Variants in PRKN observed in about 807,000 individuals in gnomAD.
The protein encoded by PRKN is E3 ubiquitin-protein ligase parkin.
Under a neutral mutation model 59.5 loss-of-function variants are expected in PRKN, and 56 were observed. The observed-to-expected ratio is 0.94, with a 90% CI of 0.76 to 1.18. The LOEUF (loss-of-function observed/expected upper bound fraction) is 1.18. Ranked by LOEUF, PRKN falls within the 50% of genes most tolerant of loss-of-function variation. The pLI, the probability that PRKN is intolerant of heterozygous loss-of-function variation, is 0.00. For missense variants in PRKN, 657 were observed against 596.4 expected (o/e 1.10, Z -1.06); for synonymous variants, 250 against 222.1 (o/e 1.13, Z -1.12).
chr6:162,316,294 T>C (rs1352031434), intron 2 of PRKN, among the ~76,000 whole-genome samples: 1 of 151,840 alleles, frequency 6.6e-6, no homozygotes, highest in Non-Finnish European at 1.5e-5. Context: ...GTCCCAGTCA[T>C]GATACCTCAT....
At chr6:161,820,056 G>C (rs1237648346) in intron 6 of PRKN, among the ~76,000 whole-genome samples, 2 of 152,078 alleles carry the variant, frequency 1.3e-5, no homozygotes, top group East Asian at 3.8e-4. Context: ...ACAGAAAATA[G>C]GCCAGTGACA....
intron 3 of PRKN, among the ~76,000 whole-genome samples, chr6:162,232,237 C>T (rs772471928): frequency 1.1e-4 from 17 of 152,156 alleles, no homozygotes; most frequent in Admixed American, 3.3e-4. Context: ...GCCTAGCTCA[C>T]GGCACTGTTG....
At chr6:162,101,026 T>C (rs917630973) in intron 4 of PRKN, among the ~76,000 whole-genome samples, 5 of 152,126 alleles carry the variant, frequency 3.3e-5, no homozygotes, top group Non-Finnish European at 7.3e-5. Flanking sequence ...TGCCATTTCA[T>C]AGGTTGTCTC....
Position 161,404,780 on chromosome 6 carries a change from C to G in PRKN, c.1084-17903G>C, listed in dbSNP as rs549880397. Among the ~76,000 whole-genome samples, 17 of 152,324 alleles carry G rather than the reference C, an allele frequency of 1.1e-4. No individual in the cohort carries two copies. The East Asian group carries it at 3.1e-3, about 28-fold the overall frequency. On this transcript the variant is annotated intron_variant, in intron 9 of 11. Transcript: ENST00000366898. Reference sequence around the variant, plus strand: ...GGCTCTGTTTCTAAGGATTGAAATGCTTATTCAGATAAGTCACTGAAATGG... The same window carrying G: ...GGCTCTGTTTCTAAGGATTGAAATGGTTATTCAGATAAGTCACTGAAATGG...
chr6:162,379,900 CAG>C (rs1350816997), intron 2 of PRKN, among the ~76,000 whole-genome samples: 4 of 152,084 alleles, frequency 2.6e-5, no homozygotes, highest in Non-Finnish European at 5.9e-5. Flanking sequence ...AACATGCCGG[CAG>C]AGAGGTTGAA....
At chr6:162,014,530 G>A (rs1782859660) in intron 5 of PRKN, among the ~76,000 whole-genome samples, 1 of 152,150 alleles carries the variant, frequency 6.6e-6, no homozygotes, top group South Asian at 2.1e-4. Flanking sequence ...GGAGCCTTTT[G>A]TTGGGTCACG....
At chr6:162,511,016 T>C (rs143684315) in intron 1 of PRKN, among the ~76,000 whole-genome samples, 2 of 152,238 alleles carry the variant, frequency 1.3e-5, no homozygotes, top group Admixed American at 6.5e-5. Context: ...GGAAGAAAAG[T>C]AGGTTTCATA....
At chr6:161,981,459 C>T (rs1020806528) in intron 5 of PRKN, among the ~76,000 whole-genome samples, 4 of 152,086 alleles carry the variant, frequency 2.6e-5, no homozygotes, top group African/African-American at 7.2e-5. Context: ...GCAGGAGGAT[C>T]GCTTGAGCCC....
chr6:162,276,150 C>T (rs1310361417), intron 2 of PRKN, among the ~76,000 whole-genome samples: 2 of 152,116 alleles, frequency 1.3e-5, no homozygotes, highest in African/African-American at 2.4e-5. Context: ...AAATACATCA[C>T]GAGTTCAATC....
rs541658812 is a variant in PRKN at position 161,349,220 on chromosome 6, T to A, written c.*879A>T. 1.4e-5 allele frequency: 3 copies of A among 221,088 alleles called. No individual in the cohort carries two copies. The highest frequency in any genetic ancestry group is 2.7e-5 in the Non-Finnish European group (3 of 110,694). 13.7% of individuals were successfully genotyped at this position (221,088 alleles called of 1,614,324 possible). ...CTTTATAGGCACTTTATCTATTAAA[T>A]TTACAGTGGAGCCAAATGTATTAGC... On this transcript the variant is annotated 3_prime_UTR_variant, in exon 12 of 12. Transcript: ENST00000366898. The surrounding 1 kb of genome is among the most constrained non-coding windows in gnomAD (Gnocchi z 5.5).
chr6:162,566,919 A>C (rs2128207582), intron 1 of PRKN, among the ~76,000 whole-genome samples: 1 of 152,306 alleles, frequency 6.6e-6, no homozygotes, highest in East Asian at 1.9e-4. Flanking sequence ...TTACATCAGA[A>C]AGTGGGATTT....
At chr6:161,885,664 CAA>C (rs57209835) in intron 6 of PRKN, among the ~76,000 whole-genome samples, 2 of 114,224 alleles carry the variant, frequency 1.8e-5, no homozygotes, top group Non-Finnish European at 1.9e-5. Flanking sequence ...GACTCTGTCT[CAA>C]AAAAAAAAAA....
intron 7 of PRKN, among the ~76,000 whole-genome samples, chr6:161,750,741 T>G (rs1227521724): frequency 6.7e-6 from 1 of 149,440 alleles, no homozygotes; most frequent in Admixed American, 6.7e-5. Context: ...CACTCCAGCC[T>G]GGGCAACAAG....
At chr6:162,243,610 T>C (rs909301380) in intron 3 of PRKN, among the ~76,000 whole-genome samples, 4 of 152,104 alleles carry the variant, frequency 2.6e-5, no homozygotes, top group African/African-American at 9.7e-5. Flanking sequence ...TTAGCTACTA[T>C]CTTCAAAGAC....
chr6:162,509,199 G>A (rs1439432280), intron 1 of PRKN, among the ~76,000 whole-genome samples: 1 of 152,062 alleles, frequency 6.6e-6, no homozygotes, highest in Non-Finnish European at 1.5e-5. Context: ...ATTAAACCCC[G>A]AGTTTGCCTC....
rs1269039936 is a variant in PRKN, at chr6:161,471,577, A to G, written c.1083+77277T>C. Among the ~76,000 whole-genome samples, 3 of 152,222 alleles carry G rather than the reference A, an allele frequency of 2.0e-5. No homozygotes were observed. Among genetic ancestry groups the G allele is most frequent in the Non-Finnish European group, 4.4e-5 (3 of 68,038 alleles). On this transcript the variant is annotated intron_variant, in intron 9 of 11. Transcript: ENST00000366898. The surrounding 1 kb of genome is among the most constrained non-coding windows in gnomAD (Gnocchi z 4.5). ...ATTAACAACTTGAAAATAGACCTTG[A>G]CAGAATGATGACCTAATTTCTATAT...
chr6:162,345,842 T>C (rs1339675835), intron 2 of PRKN, among the ~76,000 whole-genome samples: 1 of 150,304 alleles, frequency 6.7e-6, no homozygotes, highest in East Asian at 1.9e-4. Context: ...TTTGAATGTG[T>C]CCCTCAAATT....
rs144277284 is a variant in PRKN at position 161,459,973 on chromosome 6, A to G, written c.1084-73096T>C. Among the ~76,000 whole-genome samples the G allele has an allele frequency of 6.6e-6, 1 of 152,318 alleles. No homozygotes were observed. The highest frequency in any genetic ancestry group is 1.9e-4 in the East Asian group (1 of 5,182). On this transcript the variant is annotated intron_variant, in intron 9 of 11. Transcript: ENST00000366898. The surrounding 1 kb of genome is among the most constrained non-coding windows in gnomAD (Gnocchi z 4.8). ...AAAAAAAAATCTATTTATCCATCAA[A>G]TCACATATGCTTCTTTCCTTTAATT... is the stretch of plus-strand genomic sequence containing the variant.
At chr6:161,835,730 G>A (rs77100028) in intron 6 of PRKN, among the ~76,000 whole-genome samples, 3 of 152,148 alleles carry the variant, frequency 2.0e-5, no homozygotes, top group Admixed American at 6.5e-5. Flanking sequence ...TCTATCAGCC[G>A]GCAGCACGTG....
Sources: gnomAD v4.1 joint callset for allele counts (sites outside exome capture counted in the v4.1 genomes callset) on GRCh38, gnomAD v4.1.1 for gene constraint, Gnocchi (gnomAD v3.1) non-coding constraint, MANE v1.5 for transcripts, NCBI Gene and HGNC (gene_info 2026-07-23, HGNC 2026-07-21) for gene names.